The following SETBP1 variants were observed in gnomAD, a reference collection of about 807,000 sequenced individuals.
The protein encoded by SETBP1 is SET binding protein 1, also known as SET-binding protein.
SETBP1 carries 9 observed loss-of-function variants against 101.0 expected under a neutral mutation model. The observed-to-expected ratio is 0.09, with a 90% CI of 0.05 to 0.16. The LOEUF is 0.16. Ranked by LOEUF, SETBP1 falls within the 10% of genes least tolerant of loss-of-function variation. The pLI is 1.00. For synonymous variants in SETBP1, 818 were observed against 788.5 expected, an observed-to-expected ratio of 1.04 and a Z score of -0.63; for missense variants, 1,858 against 2,033.8, an observed-to-expected ratio of 0.91 and a Z score of 1.66.
At position 45,065,442 on chromosome 18, in the gene SETBP1, C is replaced by A. The variant is rs2073954146; in HGVS notation, c.*1744C>A. The A allele has an allele frequency of 6.6e-6, 1 of 152,052 alleles. No homozygotes were observed. The highest frequency in any genetic ancestry group is 2.4e-5 in the African/African-American group (1 of 41,362). The allele number at this position is 152,052 out of a possible 1,614,324, so 9.4% of individuals were successfully genotyped here. A position where few individuals can be genotyped will look rare whatever the true frequency, so the allele number is the denominator to read the frequency against. ...AAGTTTCTTTACAGGAAGTTGGGAC[C>A]AGCTGGAAATTGTATTATCATTTCG... On this transcript the variant is annotated 3_prime_UTR_variant, in exon 6 of 6. Transcript: ENST00000649279.
chr18:44,703,924 G>A (rs776251660), intron 2 of SETBP1, among the ~76,000 whole-genome samples: 1 of 152,202 alleles, frequency 6.6e-6, no homozygotes, highest in Non-Finnish European at 1.5e-5. Context: ...TGGCCATTGA[G>A]TTGGCCAGTT....
chr18:44,898,389 A>G (rs1431646349), intron 3 of SETBP1, among the ~76,000 whole-genome samples: 1 of 152,190 alleles, frequency 6.6e-6, no homozygotes, highest in African/African-American at 2.4e-5. Flanking sequence ...AGATAGAGAG[A>G]TATAGATGGA....
intron 4 of SETBP1, among the ~76,000 whole-genome samples, chr18:44,963,899 C>CAA (rs59077847): frequency 0.55 from 22,921 of 41,378 alleles, 6,468 homozygotes; most frequent in Middle Eastern, 0.66. Context: ...GACCCCATCT[C>CAA]AAAAAAAAAA....
At chr18:45,044,408 C>G (rs1186590216) in intron 5 of SETBP1, among the ~76,000 whole-genome samples, 2 of 152,174 alleles carry the variant, frequency 1.3e-5, no homozygotes, top group African/African-American at 2.4e-5. Flanking sequence ...GAATATGGCA[C>G]GTGCATGAAA....
At chr18:44,981,739 T>C (rs1170502879) in intron 4 of SETBP1, among the ~76,000 whole-genome samples, 1 of 152,200 alleles carries the variant, frequency 6.6e-6, no homozygotes, top group Non-Finnish European at 1.5e-5. Flanking sequence ...TTAAAGCATG[T>C]GCCCCCTTTT....
intron 3 of SETBP1, among the ~76,000 whole-genome samples, chr18:44,910,150 C>G (rs950639739): frequency 1.3e-5 from 2 of 152,182 alleles, no homozygotes; most frequent in African/African-American, 2.4e-5. Context: ...CTCTTCCTCT[C>G]TGAGATTGTT....
At chr18:44,833,836 A>G (rs1311852884) in intron 2 of SETBP1, among the ~76,000 whole-genome samples, 1 of 152,226 alleles carries the variant, frequency 6.6e-6, no homozygotes, top group African/African-American at 2.4e-5. Context: ...AAATTACAAG[A>G]TTTGCCTTTG....
intron 4 of SETBP1, among the ~76,000 whole-genome samples, chr18:44,954,470 A>T (rs117683610): frequency 0.021 from 3,169 of 151,986 alleles, 53 homozygotes; most frequent in Middle Eastern, 0.051. Context: ...TCTGTTTATG[A>T]TGTGTACCAC....
At chr18:44,849,509 G>T (rs1314393953) in intron 2 of SETBP1, among the ~76,000 whole-genome samples, 2 of 152,168 alleles carry the variant, frequency 1.3e-5, no homozygotes, top group African/African-American at 2.4e-5. Flanking sequence ...TCCCTATTTG[G>T]CAGGGCACTG....
chr18:44,980,287 T>C (rs1370536939), intron 4 of SETBP1, among the ~76,000 whole-genome samples: 1 of 152,180 alleles, frequency 6.6e-6, no homozygotes, highest in African/African-American at 2.4e-5. Context: ...GTAAACTGTT[T>C]TTAGGGCTCA....
chr18:44,798,387 G>A (rs2071527865), intron 2 of SETBP1, among the ~76,000 whole-genome samples: 1 of 152,016 alleles, frequency 6.6e-6, no homozygotes, highest in African/African-American at 2.4e-5. Flanking sequence ...AGGCCACACT[G>A]AGGTTAATTA....
chr18:44,941,144 C>A (rs571185439), intron 3 of SETBP1, among the ~76,000 whole-genome samples: 1 of 146,788 alleles, frequency 6.8e-6, no homozygotes, highest in Non-Finnish European at 1.5e-5. Context: ...TGCAGTGGCG[C>A]CATCTCACCT....
At chr18:44,724,289 A>G (rs1412498449) in intron 2 of SETBP1, among the ~76,000 whole-genome samples, 4 of 152,140 alleles carry the variant, frequency 2.6e-5, no homozygotes, top group African/African-American at 9.7e-5. Context: ...GGAAAAGTCA[A>G]AGAGGAGCTC....
intron 5 of SETBP1, among the ~76,000 whole-genome samples, chr18:45,056,384 C>T (rs964365362): frequency 1.3e-5 from 2 of 152,224 alleles, no homozygotes; most frequent in Non-Finnish European, 2.9e-5. Flanking sequence ...GGCCTCTCCT[C>T]CTCCCAGGAA....
chr18:44,710,571 C>A (rs2069316679), intron 2 of SETBP1, among the ~76,000 whole-genome samples: 1 of 151,108 alleles, frequency 6.6e-6, no homozygotes, highest in African/African-American at 2.4e-5. Flanking sequence ...CCTGCCTCAG[C>A]CTCCCAAGTA....
At chr18:44,745,121 C>T (rs1046110142) in intron 2 of SETBP1, among the ~76,000 whole-genome samples, 5 of 152,302 alleles carry the variant, frequency 3.3e-5, no homozygotes, top group Non-Finnish European at 5.9e-5. Context: ...GCTGCTGCGA[C>T]GCCCTGCCCG....
intron 2 of SETBP1, among the ~76,000 whole-genome samples, chr18:44,775,132 G>A (rs1316261980): frequency 1.3e-5 from 2 of 152,022 alleles, no homozygotes; most frequent in East Asian, 3.9e-4. Context: ...CTGTGTCCTG[G>A]ATCCTTTTTT....
chr18:44,694,706 TA>T (rs1423370559), intron 1 of SETBP1, among the ~76,000 whole-genome samples: 1 of 152,106 alleles, frequency 6.6e-6, no homozygotes, highest in East Asian at 1.9e-4. Context: ...GGGTAGAAGG[TA>T]GTCCAGTACT....
intron 3 of SETBP1, among the ~76,000 whole-genome samples, chr18:44,941,876 C>A (rs73952933): frequency 5.3e-5 from 8 of 151,942 alleles, no homozygotes; most frequent in African/African-American, 1.9e-4. Context: ...TTATGTGTAT[C>A]TTTTCTTTTA....
Sources: gnomAD v4.1 joint callset for allele counts (sites outside exome capture counted in the v4.1 genomes callset) on GRCh38, gnomAD v4.1.1 for gene constraint, MANE v1.5 for transcripts, NCBI Gene and HGNC (gene_info 2026-07-23, HGNC 2026-07-21) for gene names.